CCBE1: variants seen among roughly 807,000 people sequenced by gnomAD.
CCBE1 encodes the protein collagen and calcium-binding EGF domain-containing protein 1.
Under a neutral mutation model 50.0 loss-of-function variants are expected in CCBE1, and 37 were observed. The ratio of observed to expected loss-of-function variants is 0.74; its 90% CI spans 0.57 to 0.97. The LOEUF is 0.97. Ranked by LOEUF, CCBE1 falls within the 50% of genes least tolerant of loss-of-function variation. CCBE1 has a pLI of 0.00. For missense variants in CCBE1, 538 were observed against 523.8 expected, an observed-to-expected ratio of 1.03 and a Z score of -0.26; for synonymous variants, 234 against 203.7, an observed-to-expected ratio of 1.15 and a Z score of -1.27.
At chr18:59,661,940 C>A (rs560664784) in intron 2 of CCBE1, among the ~76,000 whole-genome samples, 2 of 149,530 alleles carry the variant, frequency 1.3e-5, no homozygotes, top group South Asian at 4.2e-4. Context: ...GTACTCTAGC[C>A]AGGGCAACAG....
chr18:59,554,321 T>C (rs1027437521), intron 2 of CCBE1, among the ~76,000 whole-genome samples: 1 of 152,232 alleles, frequency 6.6e-6, no homozygotes, highest in Non-Finnish European at 1.5e-5. Flanking sequence ...AGCTTGAATC[T>C]GGAGTAATGG....
Position 59,466,738 on chromosome 18 carries a change from C to T in CCBE1, c.553+1G>A. The T allele has an allele frequency of 6.2e-7, 1 of 1,611,544 alleles. No individual in the cohort carries two copies. The highest frequency in any genetic ancestry group is 8.5e-7 in the Non-Finnish European group (1 of 1,178,958). On this transcript the variant is annotated splice_donor_variant, in intron 5 of 10. Coordinates refer to ENST00000439986, the MANE Select transcript of CCBE1 (RefSeq NM_133459.4). LOFTEE classifies it high-confidence loss of function. ...GAGATATTTAGACTTGCCCTACTTA[C>T]CAGTGTCATTGGGATATTTGTCTCC...
At chr18:59,696,964 C>CGG (rs1358375367) in intron 1 of CCBE1, among the ~76,000 whole-genome samples, 1 of 152,150 alleles carries the variant, frequency 6.6e-6, no homozygotes, top group Non-Finnish European at 1.5e-5. Context: ...GTGTGGCACC[C>CGG]GGGGGGAGGC....
In CCBE1 at chr18:59,590,784, T is replaced by C. The variant is rs150365720; in HGVS notation, c.212+105845A>G. Among the ~76,000 whole-genome samples the C allele has an allele frequency of 7.0e-3, 1,059 of 152,284 alleles. 11 individuals are homozygous for C. The highest frequency in any genetic ancestry group is 0.024 in the African/African-American group (977 of 41,546). On this transcript the variant is annotated intron_variant, in intron 2 of 10. Coordinates refer to ENST00000439986, the MANE Select transcript of CCBE1 (RefSeq NM_133459.4). ...TGGGGCAAAAATGGGTTTTAATAAG[T>C]TGTATTAGGACAACTAAATAGTCCA...
intron 2 of CCBE1, among the ~76,000 whole-genome samples, chr18:59,687,188 G>A (rs2054666550): frequency 6.6e-6 from 1 of 152,212 alleles, no homozygotes; most frequent in African/African-American, 2.4e-5. Context: ...AAAAGCCACA[G>A]TGTGGTCTGT....
At chr18:59,462,964 T>C (rs1165166131) in intron 5 of CCBE1, among the ~76,000 whole-genome samples, 2 of 152,256 alleles carry the variant, frequency 1.3e-5, no homozygotes, top group Non-Finnish European at 2.9e-5. Context: ...ATATTACTAC[T>C]GCTCAGGTAT....
At chr18:59,640,464 A>G (rs962946973) in intron 2 of CCBE1, among the ~76,000 whole-genome samples, 3 of 152,180 alleles carry the variant, frequency 2.0e-5, no homozygotes, top group Non-Finnish European at 2.9e-5. Context: ...TTCATTACAC[A>G]TATACAAAAA....
At chr18:59,620,938 G>A (rs953909500) in intron 2 of CCBE1, among the ~76,000 whole-genome samples, 2 of 152,148 alleles carry the variant, frequency 1.3e-5, no homozygotes, top group South Asian at 2.1e-4. Flanking sequence ...CCAGGCAATC[G>A]GACTTCAATT....
chr18:59,444,418 G>T (rs918214525), intron 7 of CCBE1, among the ~76,000 whole-genome samples: 2 of 151,460 alleles, frequency 1.3e-5, no homozygotes, highest in African/African-American at 4.9e-5. Flanking sequence ...ATTTTTTGAG[G>T]AATCTCCACA....
intron 7 of CCBE1, among the ~76,000 whole-genome samples, chr18:59,446,101 G>T (rs1910656009): frequency 1.3e-5 from 2 of 152,152 alleles, no homozygotes; most frequent in South Asian, 4.1e-4. Flanking sequence ...GAAGGAAATG[G>T]GTTTGGAATG....
chr18:59,439,502 T>C, intron 9 of CCBE1, 41 bp downstream of exon 9: 1 of 1,612,944 alleles, frequency 6.2e-7, no homozygotes, highest in Non-Finnish European at 8.5e-7. Flanking sequence ...AAATCGAAAG[T>C]GAGAGACCTT....
chr18:59,460,125 A>G (rs553454839), intron 5 of CCBE1, among the ~76,000 whole-genome samples: 15 of 152,344 alleles, frequency 9.8e-5, no homozygotes, highest in African/African-American at 3.4e-4. Context: ...ACATATTTTC[A>G]AAGAGAAAAT....
chr18:59,640,968 T>C (rs1368275435), intron 2 of CCBE1, among the ~76,000 whole-genome samples: 1 of 152,006 alleles, frequency 6.6e-6, no homozygotes, highest in Non-Finnish European at 1.5e-5. Flanking sequence ...TGGCTATCAT[T>C]AAAAAATAAC....
chr18:59,633,851 T>C (rs2144631914), intron 2 of CCBE1, among the ~76,000 whole-genome samples: 1 of 152,322 alleles, frequency 6.6e-6, no homozygotes, highest in Non-Finnish European at 1.5e-5. Context: ...AATTTTATAA[T>C]TGCATAAACT....
intron 2 of CCBE1, among the ~76,000 whole-genome samples, chr18:59,533,520 T>G (rs1017029986): frequency 1.3e-5 from 2 of 152,242 alleles, no homozygotes; most frequent in African/African-American, 4.8e-5. Flanking sequence ...TATGTATAAC[T>G]CTTATGTTAG....
chr18:59,463,718 C>A (rs925668697), intron 5 of CCBE1, among the ~76,000 whole-genome samples: 2 of 152,218 alleles, frequency 1.3e-5, no homozygotes, highest in African/African-American at 4.8e-5. Flanking sequence ...CGAATCTCAA[C>A]CTAACCCCCA....
intron 2 of CCBE1, among the ~76,000 whole-genome samples, chr18:59,608,031 C>T (rs187015697): frequency 3.0e-4 from 45 of 152,258 alleles, no homozygotes; most frequent in East Asian, 2.5e-3. Flanking sequence ...GCCGATATTG[C>T]GCCACTGCAC....
intron 2 of CCBE1, among the ~76,000 whole-genome samples, chr18:59,548,092 G>A (rs1395606122): frequency 1.3e-5 from 2 of 152,198 alleles, no homozygotes; most frequent in Non-Finnish European, 2.9e-5. Flanking sequence ...TGGATGAAAT[G>A]TTCAAGAGTG....
intron 2 of CCBE1, among the ~76,000 whole-genome samples, chr18:59,625,829 T>A (rs1316632361): frequency 6.6e-6 from 1 of 152,166 alleles, no homozygotes; most frequent in East Asian, 1.9e-4. Context: ...GGGGTGGTGA[T>A]TAAGTCATCA....
Sources: gnomAD v4.1 joint callset for allele counts (sites outside exome capture counted in the v4.1 genomes callset) on GRCh38, gnomAD v4.1.1 for gene constraint, MANE v1.5 for transcripts, NCBI Gene and HGNC (gene_info 2026-07-23, HGNC 2026-07-21) for gene names.